Variants in TMEM9 observed in about 807,000 individuals in gnomAD.
The protein encoded by TMEM9 is transmembrane protein 9, also known as proton-transporting V-type ATPase complex assembly regulator TMEM9.
In TMEM9, 13 loss-of-function variants were observed where a neutral mutation model predicts 22.8. The ratio of observed to expected loss-of-function variants is 0.57; its 90% CI spans 0.37 to 0.91. The LOEUF (loss-of-function observed/expected upper bound fraction) is 0.91. Ranked by LOEUF, TMEM9 falls within the 40% of genes least tolerant of loss-of-function variation. The pLI is 0.01. For missense variants in TMEM9, 182 were observed against 238.1 expected (o/e 0.76, Z 1.55); for synonymous variants, 88 against 93.0 (o/e 0.95, Z 0.31).
intron 4 of TMEM9, among the ~76,000 whole-genome samples, chr1:201,136,932 C>T (rs188868141): frequency 3.9e-5 from 6 of 152,344 alleles, no homozygotes; most frequent in East Asian, 3.9e-4. Flanking sequence ...GCAGCTGCTA[C>T]GCTGGGGCGA....
In TMEM9 at chr1:201,135,825, G is replaced by GAAAA; in HGVS notation, c.400-11_400-10insTTTT. 1 of 1,576,500 alleles carries GAAAA rather than the reference G, an allele frequency of 6.3e-7. No homozygotes were observed. The highest frequency in any genetic ancestry group is 1.9e-5 in the Admixed American group (1 of 52,130). ...CCATAGAGCGAGCATCCTGTAGTGG[G>GAAAA]AAGAAAAAAAGAGAAGATCTGGCAC... On this transcript the variant is annotated splice_polypyrimidine_tract_variant and intron_variant, in intron 4 of 4. Transcript: ENST00000367330.
intron 4 of TMEM9, among the ~76,000 whole-genome samples, chr1:201,138,951 C>A (rs1664256769): frequency 6.6e-6 from 1 of 152,238 alleles, no homozygotes; most frequent in Non-Finnish European, 1.5e-5. Context: ...TATTTCCCCA[C>A]AGCTAGAGCA....
chr1:201,159,093 A>C (rs1204296952), upstream of TMEM9, among the ~76,000 whole-genome samples: 2 of 152,242 alleles, frequency 1.3e-5, no homozygotes, highest in Non-Finnish European at 2.9e-5. Flanking sequence ...TTGCATTAGC[A>C]ACCATGTCTT....
chr1:201,135,352 GAGCCAGGAGAGACAGA>G lies in TMEM9; in HGVS notation c.*295_*310del. On this transcript the variant is annotated 3_prime_UTR_variant, in exon 5 of 5. Transcript: ENST00000367330. The stretch of plus-strand genomic sequence containing the variant: ...TCAGAGCTGGAAGGCGGCAAGAGTG[GAGCCAGGAGAGACAGA>G]TCGCATCCACTCCTGAGGCCGCCTC... The G allele has an allele frequency of 4.3e-6, 1 of 233,058 alleles. No individual in the cohort carries two copies. Among genetic ancestry groups the G allele is most frequent in the Non-Finnish European group, 8.3e-6 (1 of 120,516 alleles). 14.4% of individuals were successfully genotyped at this position (233,058 alleles called of 1,614,324 possible). A position where few individuals can be genotyped will look rare whatever the true frequency, so the allele number is the denominator to read the frequency against.
intron 1 of TMEM9, among the ~76,000 whole-genome samples, chr1:201,169,736 G>A (rs1305036745): frequency 6.6e-6 from 1 of 152,168 alleles, no homozygotes; most frequent in Non-Finnish European, 1.5e-5. Context: ...CTATTTCAGA[G>A]GGAGATTAAA....
At chr1:201,157,557 G>A (rs1665835457), upstream of TMEM9, among the ~76,000 whole-genome samples, 1 of 152,192 alleles carries the variant, frequency 6.6e-6, no homozygotes, top group African/African-American at 2.4e-5. Flanking sequence ...TTTTGTCCTT[G>A]CTATCTGCCT....
At chr1:201,155,198 C>T (rs1209069795), upstream of TMEM9, among the ~76,000 whole-genome samples, 2 of 152,198 alleles carry the variant, frequency 1.3e-5, no homozygotes, top group Non-Finnish European at 2.9e-5. Flanking sequence ...TGGCGCTCCC[C>T]CTAAGCAGCT....
At chr1:201,146,987 C>T (rs565307019) in intron 2 of TMEM9, 139 bp from the exon 3 acceptor site, 6 of 697,532 alleles carry the variant, frequency 8.6e-6, no homozygotes, top group Admixed American at 2.5e-5. Flanking sequence ...GGGCCAAGGG[C>T]TTATAAAGGA....
upstream of TMEM9, among the ~76,000 whole-genome samples, chr1:201,155,955 A>C (rs1665780231): frequency 6.6e-6 from 1 of 152,174 alleles, no homozygotes; most frequent in South Asian, 2.1e-4. Context: ...TTGGTGAGCA[A>C]GCTCAGGCAG....
In TMEM9 at chr1:201,151,739, G is replaced by A. The variant is rs749175997; in HGVS notation, c.158+22C>T. On this transcript the variant is annotated intron_variant, in intron 2 of 4. Coordinates refer to ENST00000367330, the MANE Select transcript of TMEM9 (RefSeq NM_001288565.2). The stretch of plus-strand genomic sequence containing the variant: ...AACTTCAACTGGGTATAGCAGCCAG[G>A]GGCCTGCGTGTAATGCCTTACCAGT... 1.5e-5 allele frequency: 23 copies of A among 1,581,824 alleles called. No individual in the cohort carries two copies. The Admixed American group carries it at 2.5e-4, about 17-fold the overall frequency.
chr1:201,168,466 C>G (rs2102298132), intron 1 of TMEM9, among the ~76,000 whole-genome samples: 1 of 152,302 alleles, frequency 6.6e-6, no homozygotes, highest in East Asian at 1.9e-4. Context: ...CGCCTGTAAT[C>G]TCAGCACTTT....
At chr1:201,142,224 G>C (rs559636115) in intron 4 of TMEM9, among the ~76,000 whole-genome samples, 2 of 152,360 alleles carry the variant, frequency 1.3e-5, no homozygotes, top group East Asian at 3.9e-4. Context: ...GAGCAGTCCA[G>C]GCATGTGCGC....
Position 201,153,637 on chromosome 1 carries a change from G to A in TMEM9, c.66+221C>T. Reference sequence around the variant, plus strand: ...CACCACTGATCTGTCTGATCAGAGTGAGCCAGTGCTCTGTGCCCCACCCTT... The same window carrying A: ...CACCACTGATCTGTCTGATCAGAGTAAGCCAGTGCTCTGTGCCCCACCCTT... On this transcript the variant is annotated intron_variant, in intron 1 of 4. Transcript: ENST00000367330. 3 of 966,598 alleles carry A rather than the reference G, an allele frequency of 3.1e-6. No individual in the cohort carries two copies. In the South Asian group the frequency reaches 4.9e-5, roughly 16 times the overall value. 59.9% of individuals were successfully genotyped at this position (966,598 alleles called of 1,614,324 possible). A position where few individuals can be genotyped will look rare whatever the true frequency, so the allele number is the denominator to read the frequency against.
intron 1 of TMEM9, among the ~76,000 whole-genome samples, chr1:201,167,331 G>T (rs1207724990): frequency 6.6e-6 from 1 of 152,212 alleles, no homozygotes; most frequent in African/African-American, 2.4e-5. Flanking sequence ...TGGGCAGGGG[G>T]CTAGGGCATG....
At chr1:201,139,878 C>A (rs1572101299) in intron 4 of TMEM9, among the ~76,000 whole-genome samples, 1 of 93,570 alleles carries the variant, frequency 1.1e-5, no homozygotes, top group South Asian at 3.2e-4. Flanking sequence ...CAGGGCTCGG[C>A]CCCTCCCAGG....
Position 201,153,916 on chromosome 1 carries a change from A to T in TMEM9, c.8T>A (p.Leu3His). The change falls in exon 1 of 5, where the codon CTC (leucine) becomes CAC (histidine). Residue 3 changes from leucine (L) to histidine (H), a missense_variant. Transcript: ENST00000367330. ...CCCGACCACAGCCACCAAAGATAAGAGCTTCATGCTTATCAGGCTTGCTGG... is the reference window on the plus strand; with the variant it reads ...CCCGACCACAGCCACCAAAGATAAGTGCTTCATGCTTATCAGGCTTGCTGG... MK[L>H]LSLVAVVGCL... 6.2e-7 allele frequency: 1 copy of T among 1,611,704 alleles called. No homozygotes were observed. Among genetic ancestry groups the T allele is most frequent in the Non-Finnish European group, 8.5e-7 (1 of 1,178,542 alleles).
At chr1:201,163,312 G>A (rs536640149) in intron 1 of TMEM9, among the ~76,000 whole-genome samples, 16 of 151,882 alleles carry the variant, frequency 1.1e-4, no homozygotes, top group African/African-American at 3.1e-4. Context: ...AAACAAGGCC[G>A]GGCGCGGTGG....
intron 4 of TMEM9, among the ~76,000 whole-genome samples, chr1:201,141,952 C>T (rs1440446095): frequency 6.6e-6 from 1 of 152,186 alleles, no homozygotes; most frequent in African/African-American, 2.4e-5. Context: ...GGCTGCATCT[C>T]TCAATTACTA....
intron 3 of TMEM9, chr1:201,144,222 G>A (rs909730359): frequency 3.1e-5 from 11 of 358,964 alleles, no homozygotes; most frequent in South Asian, 1.6e-4. Context: ...AAGAAGTCTG[G>A]AGCCTGATGC....
Sources: gnomAD v4.1 joint callset for allele counts (sites outside exome capture counted in the v4.1 genomes callset) on GRCh38, gnomAD v4.1.1 for gene constraint, MANE v1.5 for transcripts, NCBI Gene and HGNC (gene_info 2026-07-23, HGNC 2026-07-21) for gene names.